FUS: variants seen among roughly 807,000 people sequenced by gnomAD.
FUS encodes the protein RNA-binding protein FUS.
In FUS, 5 loss-of-function variants were observed where a neutral mutation model predicts 82.7. The ratio of observed to expected loss-of-function variants is 0.06; its 90% confidence interval spans 0.03 to 0.13. FUS has a LOEUF of 0.13. Among genes scored for constraint, FUS ranks in the 10% least tolerant of loss-of-function variants. The probability of loss-of-function intolerance (pLI) is 1.00; values close to 1 mark genes in which losing one functional copy is unlikely to be tolerated. For synonymous variants in FUS, 281 were observed against 247.4 expected (o/e 1.14, Z -1.27); for missense variants, 512 against 707.8 (o/e 0.72, Z 3.14).
chr16:31,188,602 A>G, intron 8 of FUS: 1 of 587,140 alleles, frequency 1.7e-6, no homozygotes, highest in Admixed American at 3.1e-5. Context: ...TACCTTTCTA[A>G]CAAGTCCCCA....
At chr16:31,180,632 C>T (rs2058042633) in intron 1 of FUS, among the ~76,000 whole-genome samples, 1 of 152,300 alleles carries the variant, frequency 6.6e-6, no homozygotes, top group South Asian at 2.1e-4. Flanking sequence ...CGGGCCCCTC[C>T]CCCTTCGCGG....
chr16:31,183,030 G>C (rs773139022), intron 3 of FUS: 4 of 343,482 alleles, frequency 1.2e-5, no homozygotes, highest in African/African-American at 2.1e-5. Context: ...TTAAACCTGA[G>C]CAGCACTGAG....
intron 7 of FUS, chr16:31,188,110 A>G: frequency 3.3e-6 from 2 of 600,344 alleles, no homozygotes; most frequent in Non-Finnish European, 5.9e-6. Context: ...GTGGAGACTC[A>G]AGTTACAGAT....
Position 31,182,607 on chromosome 16 carries a change from A to G in FUS, c.133A>G (p.Thr45Ala). ...QQSYSGYSQS[T>A]DTSGYGQSSY... is the part of the protein sequence containing the mutation. Reference sequence around the variant, plus strand: ...GAGTTACAGTGGTTATAGCCAGTCCACGGACACTTCAGGCTATGGCCAGAG... The same window carrying G: ...GAGTTACAGTGGTTATAGCCAGTCCGCGGACACTTCAGGCTATGGCCAGAG... Residue 45 changes from threonine to alanine, a missense_variant, in exon 3 of 15, where the codon ACG (threonine) becomes GCG (alanine). Thr to Ala is a moderately conservative substitution (Grantham distance 58). Transcript: ENST00000254108. The G allele has an allele frequency of 1.2e-6, 2 of 1,614,230 alleles. No individual in the cohort carries two copies. Among genetic ancestry groups the G allele is most frequent in the African/African-American group, 2.7e-5 (2 of 75,078 alleles).
At chr16:31,185,277 T>C in intron 6 of FUS, 98 bp downstream of exon 6, 1 of 1,384,018 alleles carries the variant, frequency 7.2e-7, no homozygotes, top group East Asian at 2.5e-5. Context: ...TTTAGTATTC[T>C]TGTTGTCTAG....
intron 6 of FUS, chr16:31,186,349 G>A (rs763620507): frequency 3.9e-5 from 13 of 331,358 alleles, no homozygotes; most frequent in Non-Finnish European, 6.2e-5. Flanking sequence ...TTATGGAATG[G>A]GGTTGGGTCT....
intron 5 of FUS, 86 bp from the exon 6 acceptor site, chr16:31,184,853 G>A: frequency 1.5e-6 from 2 of 1,351,002 alleles, no homozygotes; most frequent in Admixed American, 1.7e-5. Flanking sequence ...TCATTGCCTG[G>A]CACTTGTCAA....
chr16:31,191,261 AG>A (rs1491182617), intron 14 of FUS, 137 bp from the exon 15 acceptor site: 12 of 1,463,632 alleles, frequency 8.2e-6, no homozygotes, highest in Non-Finnish European at 1.0e-5. Flanking sequence ...AAATTAACTC[AG>A]GGGGAGTGAA....
In FUS at chr16:31,191,522, G is replaced by C. The variant is rs776554548; in HGVS notation, c.*84G>C. ...GTTATTTTGTAACCTTCCAATTCCTGATCACCCAAGGGTTTTTTTGTGTCG... is the reference window on the plus strand; with the variant it reads ...GTTATTTTGTAACCTTCCAATTCCTCATCACCCAAGGGTTTTTTTGTGTCG... On this transcript the variant is annotated 3_prime_UTR_variant, in exon 15 of 15. Coordinates refer to ENST00000254108, the MANE Select transcript of FUS (RefSeq NM_004960.4). 1.4e-6 allele frequency: 2 copies of C among 1,446,914 alleles called. No homozygotes were observed. The highest frequency in any genetic ancestry group is 2.8e-5 in the African/African-American group (2 of 71,442). 89.6% of individuals were successfully genotyped at this position (1,446,914 alleles called of 1,614,324 possible).
At chr16:31,193,486 C>A (rs755339946), downstream of FUS, 1 of 528,552 alleles carries the variant, frequency 1.9e-6, no homozygotes. Context: ...TCTAATCTTG[C>A]TTTGGTTGTG....
rs370320909 is a variant in FUS at position 31,180,171 on chromosome 16, G to A, written c.-44G>A. 5.1e-5 allele frequency: 82 copies of A among 1,605,470 alleles called. No individual in the cohort carries two copies. Among genetic ancestry groups the A allele is most frequent in the Non-Finnish European group, 6.5e-5 (77 of 1,176,046 alleles). On this transcript the variant is annotated 5_prime_UTR_variant, in exon 1 of 15. Transcript: ENST00000254108. ...CCTCCAGGCGTCGGTACTCAGCGGT[G>A]TTGGAACTTCGTTGCTTGCTTGCCT...
chr16:31,187,955 C>T, intron 7 of FUS: 3 of 334,984 alleles, frequency 9.0e-6, no homozygotes, highest in Non-Finnish European at 1.1e-5. Flanking sequence ...GAGCCCATCT[C>T]TCTTCTCTCG....
downstream of FUS, chr16:31,193,619 T>G (rs1475403195): frequency 9.4e-6 from 5 of 529,420 alleles, no homozygotes; most frequent in Non-Finnish European, 1.1e-5. Flanking sequence ...GGCCTTGACC[T>G]TAAAAGGAAA....
At chr16:31,181,707 G>A (rs1014887067) in intron 1 of FUS, among the ~76,000 whole-genome samples, 2 of 152,164 alleles carry the variant, frequency 1.3e-5, no homozygotes, top group African/African-American at 4.8e-5. Flanking sequence ...GTTCTGCGAC[G>A]TTGGGAGAGT....
At chr16:31,182,353 C>G (rs760174700) in intron 1 of FUS, 45 bp from the exon 2 acceptor site, 6 of 1,610,022 alleles carry the variant, frequency 3.7e-6, no homozygotes, top group Non-Finnish European at 5.1e-6. Context: ...TCAACTCTTT[C>G]AGAGTGGCAG....
downstream of FUS, chr16:31,192,199 A>G (rs1208864443): frequency 7.6e-6 from 4 of 527,652 alleles, no homozygotes; most frequent in African/African-American, 3.7e-5. Context: ...GCCTGTACTC[A>G]GAGGGCTTGA....
In FUS at chr16:31,180,210, C is replaced by G. The variant is rs773172881; in HGVS notation, c.-5C>G. ...GCTTGCTTGCCTGTGCGCGCGTGCG[C>G]GGACATGGCCTCAAACGGTAGGTAA... On this transcript the variant is annotated 5_prime_UTR_variant, in exon 1 of 15. Transcript: ENST00000254108. 1.4e-5 allele frequency: 23 copies of G among 1,611,072 alleles called. No individual in the cohort carries two copies. The Admixed American group carries it at 1.8e-4, about 13-fold the overall frequency.
chr16:31,193,129 A>G, downstream of FUS: 1 of 483,918 alleles, frequency 2.1e-6, no homozygotes, highest in Non-Finnish European at 4.1e-6. Context: ...TTTAGTAGAG[A>G]CGGGGTTTCT....
In FUS at chr16:31,180,200, C is replaced by G. The variant is rs768477428; in HGVS notation, c.-15C>G. The G allele has an allele frequency of 6.2e-7, 1 of 1,610,768 alleles. No individual in the cohort carries two copies. The highest frequency in any genetic ancestry group is 8.5e-7 in the Non-Finnish European group (1 of 1,178,516). On this transcript the variant is annotated 5_prime_UTR_variant, in exon 1 of 15. Transcript: ENST00000254108. ...GAACTTCGTTGCTTGCTTGCCTGTG[C>G]GCGCGTGCGCGGACATGGCCTCAAA...
Sources: allele counts gnomAD v4.1 joint callset (sites outside exome capture counted in the v4.1 genomes callset), GRCh38; gene constraint gnomAD v4.1.1; transcripts MANE v1.5; gene names NCBI Gene and HGNC (gene_info 2026-07-23, HGNC 2026-07-21).